The following LDB3 variants were observed in gnomAD, a reference collection of about 807,000 sequenced individuals.
The protein encoded by LDB3 is LIM domain-binding protein 3.
A neutral mutation model predicts 69.0 loss-of-function variants in LDB3; 49 were observed. The ratio of observed to expected loss-of-function variants is 0.71; its 90% CI spans 0.56 to 0.90. LDB3 has a LOEUF of 0.90. Among genes scored for constraint, LDB3 ranks in the 40% least tolerant of loss-of-function variants. The probability of loss-of-function intolerance (pLI) is 0.00; values close to 1 mark genes in which losing one functional copy is unlikely to be tolerated. For synonymous variants in LDB3, 387 were observed against 396.2 expected (o/e 0.98, Z 0.28); for missense variants, 928 against 974.1 (o/e 0.95, Z 0.63).
rs974649228 is a variant in LDB3 at position 86,706,732 on chromosome 10, C to T, written c.1085+13C>T. 1 of 1,606,394 alleles carries T rather than the reference C, an allele frequency of 6.2e-7. No individual in the cohort carries two copies. The highest frequency in any genetic ancestry group is 1.7e-5 in the Admixed American group (1 of 58,904). Reference sequence around the variant, plus strand: ...CCGACAGCCCAAGGTAACTGGGCCACAGGTGCTGGGCCTGACCCTGGGGAA... The same window carrying T: ...CCGACAGCCCAAGGTAACTGGGCCATAGGTGCTGGGCCTGACCCTGGGGAA... On this transcript the variant is annotated intron_variant, in intron 8 of 13. Transcript: ENST00000361373.
intron 12 of LDB3, among the ~76,000 whole-genome samples, chr10:86,725,185 G>A (rs1363438742): frequency 6.6e-6 from 1 of 152,334 alleles, no homozygotes; most frequent in Non-Finnish European, 1.5e-5. Context: ...ATCTAGAGAT[G>A]TTCTACAGTC....
Position 86,694,268 on chromosome 10 carries a change from G to T in LDB3, c.896+1697G>T, listed in dbSNP as rs549078806. On this transcript the variant is annotated intron_variant, in intron 7 of 13. Coordinates refer to ENST00000361373, the MANE Select transcript of LDB3 (RefSeq NM_007078.3). ...GCCTTCCCCTTCCCTCCTTCAAGGA[G>T]CATCTCTTGAAGTTTGTTCTGCCTG... 2.6e-4 allele frequency among the ~76,000 whole-genome samples: 40 copies of T among 152,338 alleles called. No individual in the cohort carries two copies. In the East Asian group the frequency reaches 6.9e-3, roughly 26 times the overall value.
chr10:86,683,581 A>G (rs2132381495), intron 5 of LDB3, among the ~76,000 whole-genome samples: 1 of 152,322 alleles, frequency 6.6e-6, no homozygotes, highest in Admixed American at 6.5e-5. Flanking sequence ...GAATGTGTAA[A>G]TTATTTCTTG....
chr10:86,684,410 G>A (rs1018550449), intron 5 of LDB3, among the ~76,000 whole-genome samples: 3 of 152,236 alleles, frequency 2.0e-5, no homozygotes, highest in Non-Finnish European at 2.9e-5. Flanking sequence ...CCCCCACCCC[G>A]CCAGGCCAAC....
intron 12 of LDB3, among the ~76,000 whole-genome samples, chr10:86,720,929 T>G (rs554322078): frequency 6.6e-5 from 10 of 152,310 alleles, no homozygotes; most frequent in Middle Eastern, 6.8e-3. Flanking sequence ...TCCTCCCACC[T>G]CAGCCTGTAG....
At chr10:86,675,423 C>T (rs1844741300) in intron 2 of LDB3, among the ~76,000 whole-genome samples, 1 of 152,240 alleles carries the variant, frequency 6.6e-6, no homozygotes, top group Non-Finnish European at 1.5e-5. Context: ...TCATGATCTT[C>T]TGGACACAAC....
intron 13 of LDB3, 145 bp downstream of exon 13, chr10:86,726,397 C>T (rs1049214495): frequency 4.3e-6 from 3 of 704,926 alleles, no homozygotes; most frequent in Non-Finnish European, 7.8e-6. Context: ...ACCATGATGC[C>T]TCGATACATC....
chr10:86,681,753 G>T lies in LDB3; in HGVS notation c.639G>T (p.Met213Ile). 6.2e-7 allele frequency: 1 copy of T among 1,604,028 alleles called. No homozygotes were observed. Among genetic ancestry groups the T allele is most frequent in the Non-Finnish European group, 8.5e-7 (1 of 1,174,612 alleles). The change falls in exon 5 of 14, where the codon ATG (methionine) becomes ATT (isoleucine). Residue 213 changes from methionine to isoleucine, a missense_variant. Transcript: ENST00000361373. ...SAETLREMAQ[M>I]YQMSLRGKAS... ...AGACCCTGAGGGAGATGGCTCAGATGTACCAGATGAGCCTCCGAGGGAAGG... is the reference window on the plus strand; with the variant it reads ...AGACCCTGAGGGAGATGGCTCAGATTTACCAGATGAGCCTCCGAGGGAAGG...
intron 4 of LDB3, 73 bp downstream of exon 4, chr10:86,680,230 G>T: frequency 7.1e-7 from 1 of 1,405,916 alleles, no homozygotes; most frequent in Admixed American, 1.8e-5. Context: ...CAGCCTGCCT[G>T]GTCTTTGGCT....
rs1213869734 is a variant in LDB3 at position 86,718,678 on chromosome 10, G to A, written c.1858-49G>A. ...GGCTGGAGCCTGGTGGGGTAGTCAA[G>A]CCCGCTCCCTCTCTCCTTTCTGTCC... On this transcript the variant is annotated intron_variant, in intron 11 of 13. Coordinates refer to ENST00000361373, the MANE Select transcript of LDB3 (RefSeq NM_007078.3). The A allele has an allele frequency of 2.5e-6, 4 of 1,613,636 alleles. No individual in the cohort carries two copies. The Admixed American group carries it at 5.0e-5, about 20-fold the overall frequency.
intron 9 of LDB3, chr10:86,710,396 C>T (rs1846603325): frequency 6.1e-6 from 2 of 327,514 alleles, no homozygotes; most frequent in Non-Finnish European, 8.7e-6. Flanking sequence ...TTGAGACCGC[C>T]GGGGCCAACA....
chr10:86,721,506 A>G (rs977475653), intron 12 of LDB3, among the ~76,000 whole-genome samples: 1 of 152,214 alleles, frequency 6.6e-6, no homozygotes, highest in Non-Finnish European at 1.5e-5. Flanking sequence ...CAAACCTGGC[A>G]TCATGGTCAC....
At chr10:86,670,981 G>A (rs1844440902) in intron 2 of LDB3, among the ~76,000 whole-genome samples, 1 of 152,192 alleles carries the variant, frequency 6.6e-6, no homozygotes, top group Non-Finnish European at 1.5e-5. Context: ...TTACTGCCGG[G>A]GCTCGCAGGG....
rs1489786971 is a variant in LDB3, at chr10:86,697,553, T to C, written c.896+4982T>C. On this transcript the variant is annotated intron_variant, in intron 7 of 13. Transcript: ENST00000361373. ...TTTTTTTCTTTTTCTTTCTTTCTTT[T>C]TTTTTTTTTTTTTTTTTTGAGATGG... Among the ~76,000 whole-genome samples the C allele has an allele frequency of 1.5e-3, 198 of 132,126 alleles. 4 individuals carry two copies. In the East Asian group the frequency reaches 0.038, roughly 26 times the overall value. The allele number at this position is 132,126 out of a possible 152,430, so 86.7% of individuals were successfully genotyped here.
intron 13 of LDB3, among the ~76,000 whole-genome samples, chr10:86,728,591 T>G (rs549950347): frequency 6.7e-6 from 1 of 148,320 alleles, no homozygotes; most frequent in South Asian, 2.1e-4. Context: ...CTTTTGTTTT[T>G]TTTTTTTTTT....
chr10:86,721,744 T>G (rs1190591666), intron 12 of LDB3, among the ~76,000 whole-genome samples: 1 of 152,168 alleles, frequency 6.6e-6, no homozygotes, highest in Non-Finnish European at 1.5e-5. Flanking sequence ...AATCAGAAAC[T>G]CTGGAGGGGA....
chr10:86,710,440 A>G (rs1846604893), intron 9 of LDB3: 1 of 184,288 alleles, frequency 5.4e-6, no homozygotes, highest in Admixed American at 6.5e-5. Flanking sequence ...AGATTCAAAA[A>G]TTAGCCGGGC....
rs940039492 is a variant in LDB3 at position 86,685,586 on chromosome 10, A to G, written c.689+3783A>G. The stretch of plus-strand genomic sequence containing the variant: ...GGTTTGGGCTGGTTCTGCCTCCACA[A>G]TGACCAGGCTGATGATGGCCCCGGC... On this transcript the variant is annotated intron_variant, in intron 5 of 13. Transcript: ENST00000361373. The G allele has an allele frequency of 5.2e-6, 7 of 1,339,358 alleles. No individual in the cohort carries two copies. In the African/African-American group the frequency reaches 7.2e-5, roughly 14 times the overall value. 83.0% of individuals were successfully genotyped at this position (1,339,358 alleles called of 1,614,324 possible).
At chr10:86,679,330 T>A (rs1844976160) in intron 2 of LDB3, 37 bp from the exon 3 acceptor site, 1 of 1,613,724 alleles carries the variant, frequency 6.2e-7, no homozygotes, top group Non-Finnish European at 8.5e-7. Context: ...AGGACCACCT[T>A]CCTTATGCTC....
Sources: allele counts gnomAD v4.1 joint callset (sites outside exome capture counted in the v4.1 genomes callset), GRCh38; gene constraint gnomAD v4.1.1; transcripts MANE v1.5; gene names NCBI Gene and HGNC (gene_info 2026-07-23, HGNC 2026-07-21).